The following DENND11 variants were observed in gnomAD, a reference collection of about 807,000 sequenced individuals.
DENND11 encodes DENN domain-containing protein 11.
In DENND11, 34 loss-of-function variants were observed where a neutral mutation model predicts 49.2. The observed-to-expected ratio is 0.69, with a 90% CI of 0.53 to 0.92. The LOEUF is 0.92. DENND11 is among the 40% of genes least tolerant of loss of function. The pLI, the probability that DENND11 is intolerant of heterozygous loss-of-function variation, is 0.00. For missense variants in DENND11, 475 were observed against 581.6 expected (o/e 0.82, Z 1.88); for synonymous variants, 238 against 230.3 (o/e 1.03, Z -0.30).
intron 3 of DENND11, among the ~76,000 whole-genome samples, chr7:141,675,527 G>T (rs1798050262): frequency 6.6e-6 from 1 of 152,150 alleles, no homozygotes; most frequent in Non-Finnish European, 1.5e-5. Context: ...GCAAAATATA[G>T]CTTCACTGAG....
intron 4 of DENND11, among the ~76,000 whole-genome samples, chr7:141,667,774 C>T (rs1452770575): frequency 6.6e-6 from 1 of 152,188 alleles, no homozygotes; most frequent in Non-Finnish European, 1.5e-5. Context: ...CTGGACCCTC[C>T]GAAGCTGTGT....
intron 4 of DENND11, among the ~76,000 whole-genome samples, chr7:141,671,554 C>T (rs552379319): frequency 4.9e-4 from 75 of 152,126 alleles, no homozygotes; most frequent in African/African-American, 1.7e-3. Flanking sequence ...GCAACCATAA[C>T]GGTACCCTCT....
At position 141,680,596 on chromosome 7, in the gene DENND11, C is replaced by CAGT. The variant is rs1798134634; in HGVS notation, c.527+4881_527+4882insACT. 2.0e-5 allele frequency among the ~76,000 whole-genome samples: 3 copies of CAGT among 151,836 alleles called. No individual in the cohort carries two copies. The East Asian group carries it at 6.1e-4, about 31-fold the overall frequency. On this transcript the variant is annotated intron_variant, in intron 3 of 8. Transcript: ENST00000536163. ...ACTATGTGTGCCTAGTAACCAAGAACTGGTCAATGGAATGTGAACAGAGGT... is the reference window on the plus strand; with the variant it reads ...ACTATGTGTGCCTAGTAACCAAGAACAGTTGGTCAATGGAATGTGAACAGAGGT...
At chr7:141,663,351 G>C (rs1797834430) in intron 8 of DENND11, 1 of 152,816 alleles carries the variant, frequency 6.5e-6, no homozygotes, top group Admixed American at 6.5e-5. Context: ...GAACAAACAA[G>C]CTCTGTTCAG....
chr7:141,700,626 T>A (rs1798495766), intron 1 of DENND11, among the ~76,000 whole-genome samples: 1 of 151,968 alleles, frequency 6.6e-6, no homozygotes. Context: ...ACATGATAGA[T>A]CAGTCAAAAG....
At chr7:141,675,362 T>C (rs1798047909) in intron 3 of DENND11, among the ~76,000 whole-genome samples, 1 of 152,160 alleles carries the variant, frequency 6.6e-6, no homozygotes, top group South Asian at 2.1e-4. Context: ...AGTGAGACAG[T>C]ATGTTTCTGC....
rs577331979 is a variant in DENND11 at position 141,690,658 on chromosome 7, G to A, written c.269-4000C>T. On this transcript the variant is annotated intron_variant, in intron 1 of 8. Transcript: ENST00000536163. The stretch of plus-strand genomic sequence containing the variant: ...GAATAGAATTGCTTTAAAAATGTTT[G>A]CGTCACTGCAAACTAAGACACTTTC... 3.3e-5 allele frequency among the ~76,000 whole-genome samples: 5 copies of A among 152,296 alleles called. No individual in the cohort carries two copies. The East Asian group carries it at 9.7e-4, about 29-fold the overall frequency.
intron 1 of DENND11, among the ~76,000 whole-genome samples, chr7:141,698,781 C>G (rs975909020): frequency 2.6e-5 from 4 of 152,172 alleles, no homozygotes; most frequent in African/African-American, 9.7e-5. Flanking sequence ...TTCCCTCTTA[C>G]TCTACTACCT....
rs144852279 is a variant in DENND11 at position 141,685,579 on chromosome 7, C to T, written c.426G>A (p.Glu142=). 2,686 of 1,613,998 alleles carry T rather than the reference C, an allele frequency of 1.7e-3. 6 individuals are homozygous for T. The highest frequency in any genetic ancestry group is 1.8e-3 in the Non-Finnish European group (2,100 of 1,179,900). ...TCCGCGCGCCACGTTCCAGCTCGCT[C>T]TCCACGGGCATGTTGGCAAAGCAGG... ...GLACFANMPV[E]SELERGARMK... Residue 142 remains glutamate (E), a synonymous_variant, in exon 3 of 9, where the codon GAG becomes GAA. Transcript: ENST00000536163.
Position 141,659,443 on chromosome 7 carries a change from G to A in DENND11, c.*3213C>T, listed in dbSNP as rs1489651786. On this transcript the variant is annotated 3_prime_UTR_variant, in exon 9 of 9. Coordinates refer to ENST00000536163, the MANE Select transcript of DENND11 (RefSeq NM_001080392.2). ...CTCCTTGTGGAGAGTCCTAAGCCAG[G>A]GGCCAACTGGACATTTTCCCAAAGG... The A allele has an allele frequency of 1.3e-5, 2 of 152,192 alleles. No homozygotes were observed. The highest frequency in any genetic ancestry group is 4.8e-5 in the African/African-American group (2 of 41,430). 9.4% of individuals were successfully genotyped at this position (152,192 alleles called of 1,614,324 possible). A position where few individuals can be genotyped will look rare whatever the true frequency, so the allele number is the denominator to read the frequency against.
chr7:141,663,137 AAC>A, intron 8 of DENND11: 1 of 310,566 alleles, frequency 3.2e-6, no homozygotes. Context: ...CCTGGGTTTA[AAC>A]ACAGCCTGAG....
chr7:141,669,293 G>A (rs1194761275), intron 4 of DENND11, among the ~76,000 whole-genome samples: 1 of 150,520 alleles, frequency 6.6e-6, no homozygotes, highest in Non-Finnish European at 1.5e-5. Flanking sequence ...TGTGGCCCAG[G>A]CTGGAGTGCA....
chr7:141,688,678 A>G (rs1436230398), intron 1 of DENND11, among the ~76,000 whole-genome samples: 1 of 152,102 alleles, frequency 6.6e-6, no homozygotes, highest in African/African-American at 2.4e-5. Context: ...TTCCCCTACC[A>G]TCCATGTCTA....
intron 3 of DENND11, among the ~76,000 whole-genome samples, chr7:141,678,765 A>T (rs1798105267): frequency 2.0e-5 from 3 of 152,236 alleles, no homozygotes; most frequent in Non-Finnish European, 4.4e-5. Flanking sequence ...TAATATAAAT[A>T]TCTAGTCCAC....
intron 3 of DENND11, among the ~76,000 whole-genome samples, chr7:141,677,503 GTATA>G (rs140901096): frequency 8.1e-4 from 109 of 134,180 alleles, no homozygotes; most frequent in African/African-American, 2.5e-3. Context: ...GTGTGTGTGT[GTATA>G]TATATATATA....
At position 141,678,275 on chromosome 7, in the gene DENND11, T is replaced by A. The variant is rs547176437; in HGVS notation, c.528-4055A>T. ...ACTGCGCCCGGCCAATAATCCTTTTTAAAAGAAATAAAATAAAATAAAACG... is the reference window on the plus strand; with the variant it reads ...ACTGCGCCCGGCCAATAATCCTTTTAAAAAGAAATAAAATAAAATAAAACG... On this transcript the variant is annotated intron_variant, in intron 3 of 8. Transcript: ENST00000536163. Among the ~76,000 whole-genome samples the A allele has an allele frequency of 1.2e-3, 188 of 152,266 alleles. 1 individual carries two copies. The highest frequency in any genetic ancestry group is 4.0e-3 in the African/African-American group (168 of 41,522).
intron 1 of DENND11, among the ~76,000 whole-genome samples, chr7:141,688,710 T>C (rs766297454): frequency 4.6e-5 from 7 of 151,554 alleles, no homozygotes; most frequent in Admixed American, 2.6e-4. Flanking sequence ...GTCCAGTCGT[T>C]TTTTTCCTGT....
intron 4 of DENND11, among the ~76,000 whole-genome samples, chr7:141,668,152 A>G (rs973840316): frequency 7.9e-5 from 12 of 152,162 alleles, no homozygotes; most frequent in Non-Finnish European, 1.6e-4. Context: ...CTAGTGGGAG[A>G]AAGCGATTAA....
chr7:141,687,971 G>C (rs1798271250), intron 1 of DENND11, among the ~76,000 whole-genome samples: 1 of 151,966 alleles, frequency 6.6e-6, no homozygotes, highest in Admixed American at 6.6e-5. Context: ...AGTAGAGATG[G>C]GGTTTCACCA....
Sources: allele counts gnomAD v4.1 joint callset (sites outside exome capture counted in the v4.1 genomes callset), GRCh38; gene constraint gnomAD v4.1.1; transcripts MANE v1.5; gene names NCBI Gene and HGNC (gene_info 2026-07-23, HGNC 2026-07-21).